The following UGT3A1 variants were observed in gnomAD, a reference collection of about 807,000 sequenced individuals.
UGT3A1 encodes UDP-glycosyltransferase 3A1.
A neutral mutation model predicts 37.6 loss-of-function variants in UGT3A1; 40 were observed. The ratio of observed to expected loss-of-function variants is 1.06; its 90% CI spans 0.83 to 1.38. UGT3A1 has a LOEUF of 1.38. Ranked by LOEUF, UGT3A1 falls within the 40% of genes most tolerant of loss-of-function variation. UGT3A1 has a pLI of 0.00. For synonymous variants in UGT3A1, 256 were observed against 232.3 expected (o/e 1.10, Z -0.93); for missense variants, 642 against 634.2 (o/e 1.01, Z -0.13).
At chr5:35,958,838 G>C (rs749273696) in intron 4 of UGT3A1, among the ~76,000 whole-genome samples, 1 of 152,212 alleles carries the variant, frequency 6.6e-6, no homozygotes, top group Non-Finnish European at 1.5e-5. Flanking sequence ...ATTCTAACCT[G>C]TCTGTTGGCT....
At chr5:35,970,054 A>C (rs1035087816) in intron 2 of UGT3A1, among the ~76,000 whole-genome samples, 1 of 152,146 alleles carries the variant, frequency 6.6e-6, no homozygotes. Flanking sequence ...GGCAGCAGGC[A>C]AAGAGAGAGA....
chr5:35,954,101 G>C lies in UGT3A1; in HGVS notation c.*101C>G. The C allele has an allele frequency of 2.3e-6, 3 of 1,279,962 alleles. No individual in the cohort carries two copies. The highest frequency in any genetic ancestry group is 3.3e-6 in the Non-Finnish European group (3 of 920,524). The allele number at this position is 1,279,962 out of a possible 1,614,324, so 79.3% of individuals were successfully genotyped here. A position where few individuals can be genotyped will look rare whatever the true frequency, so the allele number is the denominator to read the frequency against. ...GAAGCAAGTTGCAGGATCAGTGGCA[G>C]GTGGAGCTGAAGAGAGAACAGAGGG... On this transcript the variant is annotated 3_prime_UTR_variant, in exon 7 of 7. Coordinates refer to ENST00000274278, the MANE Select transcript of UGT3A1 (RefSeq NM_152404.4).
chr5:35,963,192 CCTT>C (rs1401244179), intron 4 of UGT3A1, among the ~76,000 whole-genome samples: 1 of 152,208 alleles, frequency 6.6e-6, no homozygotes, highest in African/African-American at 2.4e-5. Flanking sequence ...CTGTTGAAAA[CCTT>C]TGAGTTCCCT....
intron 1 of UGT3A1, chr5:36,000,911 A>G (rs28600331): frequency 0.33 from 49,483 of 152,092 alleles, 9,960 homozygotes; most frequent in Non-Finnish European, 0.45. Flanking sequence ...CAATGAAATG[A>G]ACCTGTTTCT....
chr5:35,956,462 C>T (rs1739360928), intron 5 of UGT3A1, among the ~76,000 whole-genome samples: 1 of 152,110 alleles, frequency 6.6e-6, no homozygotes, highest in Non-Finnish European at 1.5e-5. Flanking sequence ...ATTAAATATA[C>T]AGAAACCTGT....
At chr5:35,981,186 G>A (rs1740506899) in intron 2 of UGT3A1, among the ~76,000 whole-genome samples, 1 of 152,158 alleles carries the variant, frequency 6.6e-6, no homozygotes, top group African/African-American at 2.4e-5. Flanking sequence ...GAAAGAAAAA[G>A]AGGCCTTCTG....
upstream of UGT3A1, among the ~76,000 whole-genome samples, chr5:35,992,675 A>G (rs962303122): frequency 6.6e-6 from 1 of 152,242 alleles, no homozygotes; most frequent in South Asian, 2.1e-4. Flanking sequence ...AAGAGATATG[A>G]AAGGTCAGGT....
At chr5:35,975,392 T>G (rs779489546) in intron 2 of UGT3A1, among the ~76,000 whole-genome samples, 4 of 152,206 alleles carry the variant, frequency 2.6e-5, no homozygotes, top group Admixed American at 6.5e-5. Context: ...AATTCCATTA[T>G]GAAAGAGATA....
intron 4 of UGT3A1, chr5:35,962,380 G>A (rs545671076): frequency 6.5e-6 from 1 of 153,658 alleles, no homozygotes; most frequent in South Asian, 2.1e-4. Context: ...AAGAGGAGGA[G>A]TGAGACTGGG....
intron 1 of UGT3A1, among the ~76,000 whole-genome samples, chr5:35,989,340 C>T (rs1740847858): frequency 6.6e-6 from 1 of 152,176 alleles, no homozygotes; most frequent in Non-Finnish European, 1.5e-5. Flanking sequence ...TTAATATCTT[C>T]TCTTAGTGCA....
At chr5:35,974,047 C>T (rs982407789) in intron 2 of UGT3A1, among the ~76,000 whole-genome samples, 2 of 152,056 alleles carry the variant, frequency 1.3e-5, no homozygotes, top group African/African-American at 2.4e-5. Flanking sequence ...AGACCTCAGA[C>T]AGTTTATGGA....
At chr5:35,972,761 A>G (rs910326288) in intron 2 of UGT3A1, among the ~76,000 whole-genome samples, 1 of 152,154 alleles carries the variant, frequency 6.6e-6, no homozygotes, top group African/African-American at 2.4e-5. Flanking sequence ...ACTAATGAGT[A>G]TAATGAAGAT....
chr5:35,955,882 G>T lies in UGT3A1; in HGVS notation c.1076-18C>A. On this transcript the variant is annotated intron_variant, in intron 5 of 6. Coordinates refer to ENST00000274278, the MANE Select transcript of UGT3A1 (RefSeq NM_152404.4). ...GGGGTGAGCTGTGGCAAATAAGAAA[G>T]AGAGTGGAACACTTCAGGATGAAAA... 1 of 1,612,968 alleles carries T rather than the reference G, an allele frequency of 6.2e-7. No individual in the cohort carries two copies.
chr5:35,977,632 G>C (rs1279268974), intron 2 of UGT3A1, among the ~76,000 whole-genome samples: 1 of 152,220 alleles, frequency 6.6e-6, no homozygotes, highest in African/African-American at 2.4e-5. Flanking sequence ...GGCCTCACCA[G>C]AAGCTGAGCA....
At chr5:35,996,226 G>A (rs1741092600), upstream of UGT3A1, among the ~76,000 whole-genome samples, 1 of 152,132 alleles carries the variant, frequency 6.6e-6, no homozygotes, top group African/African-American at 2.4e-5. Context: ...GAAAAGGCAG[G>A]AGAATGCAAC....
chr5:35,991,219 G>C lies in UGT3A1; in HGVS notation c.22C>G (p.Leu8Val). Residue 8 changes from leucine (L) to valine (V), a missense_variant, in exon 1 of 7, where the codon CTT becomes GTT. Physicochemically the swap from Leu to Val is conservative, Grantham distance 32. Transcript: ENST00000274278. Reference protein sequence around the residue: MVGQRVLLLVAFLLSGVL... With the variant: MVGQRVLVLVAFLLSGVL... ...CCAGAAAGAAGGAAGGCCACTAGAAGCAGCACCCGCTGCCCAACCATGCTC... is the reference window on the plus strand; with the variant it reads ...CCAGAAAGAAGGAAGGCCACTAGAACCAGCACCCGCTGCCCAACCATGCTC... 6.2e-7 allele frequency: 1 copy of C among 1,614,232 alleles called. No homozygotes were observed. The highest frequency in any genetic ancestry group is 8.5e-7 in the Non-Finnish European group (1 of 1,180,036).
At chr5:35,967,212 G>A (rs1425338574) in intron 3 of UGT3A1, among the ~76,000 whole-genome samples, 2 of 152,186 alleles carry the variant, frequency 1.3e-5, no homozygotes, top group Admixed American at 6.5e-5. Flanking sequence ...AGTATCAAAT[G>A]AGTGCTATAT....
At chr5:35,984,760 AC>A (rs1478222309) in intron 2 of UGT3A1, among the ~76,000 whole-genome samples, 2 of 152,186 alleles carry the variant, frequency 1.3e-5, no homozygotes, top group Non-Finnish European at 2.9e-5. Flanking sequence ...GGTGTGAGCC[AC>A]CACGCCCAGC....
Position 35,953,297 on chromosome 5 carries a change from C to T in UGT3A1, c.*905G>A, listed in dbSNP as rs1739232485. On this transcript the variant is annotated 3_prime_UTR_variant, in exon 7 of 7. Coordinates refer to ENST00000274278, the MANE Select transcript of UGT3A1 (RefSeq NM_152404.4). ...ACCAACCACAACAGCCCTGAATGGG[C>T]TACCTTCGGGCTTTATCAAGAAAGA... 6.6e-6 allele frequency: 1 copy of T among 152,346 alleles called. No homozygotes were observed. Among genetic ancestry groups the T allele is most frequent in the South Asian group, 2.1e-4 (1 of 4,816 alleles). 9.4% of individuals were successfully genotyped at this position (152,346 alleles called of 1,614,324 possible).
Sources: gnomAD v4.1 joint callset for allele counts (sites outside exome capture counted in the v4.1 genomes callset) on GRCh38, gnomAD v4.1.1 for gene constraint, MANE v1.5 for transcripts, NCBI Gene and HGNC (gene_info 2026-07-23, HGNC 2026-07-21) for gene names.